The following SPEN variants were observed in gnomAD, a reference collection of about 807,000 sequenced individuals.
SPEN encodes spen family transcriptional repressor, also known as msx2-interacting protein.
In SPEN, 18 loss-of-function variants were observed where a neutral mutation model predicts 269.9. That is an observed-to-expected ratio of 0.07 (90% CI 0.05 to 0.10). The LOEUF is 0.10. Among genes scored for constraint, SPEN ranks in the 10% least tolerant of loss-of-function variants. The probability of loss-of-function intolerance (pLI) is 1.00; values close to 1 mark genes in which losing one functional copy is unlikely to be tolerated. For missense variants in SPEN, 3,822 were observed against 4,631.2 expected, an observed-to-expected ratio of 0.83 and a Z score of 5.07; for synonymous variants, 1,726 against 1,765.7, an observed-to-expected ratio of 0.98 and a Z score of 0.56.
intron 3 of SPEN, among the ~76,000 whole-genome samples, chr1:15,900,601 A>G (rs2070890652): frequency 6.6e-6 from 1 of 152,170 alleles, no homozygotes; most frequent in Non-Finnish European, 1.5e-5. Context: ...AGGAAGTTTG[A>G]TTTTCAGAAG....
chr1:15,889,164 C>CTTTTTTT (rs56721891), intron 3 of SPEN, among the ~76,000 whole-genome samples: 4 of 124,900 alleles, frequency 3.2e-5, no homozygotes, highest in African/African-American at 9.4e-5. Context: ...CTTTTCTTTT[C>CTTTTTTT]TTTTTTTTTT....
chr1:15,859,413 A>C (rs1053822761), intron 1 of SPEN, among the ~76,000 whole-genome samples: 6 of 138,136 alleles, frequency 4.3e-5, no homozygotes, highest in African/African-American at 1.7e-4. Flanking sequence ...GCTGGAGTGC[A>C]GTGGCGGGAT....
rs186187206 is a variant in SPEN at position 15,927,812 on chromosome 1, C to T, written c.1851-279C>T. ...GAAATTTTCTTTAATATATCTAAAA[C>T]GTTGTTTCAACATATAATCAGTCTA... On this transcript the variant is annotated intron_variant, in intron 10 of 14. Transcript: ENST00000375759. Among the ~76,000 whole-genome samples the T allele has an allele frequency of 7.2e-5, 11 of 152,284 alleles. No homozygotes were observed. In the East Asian group the frequency reaches 1.2e-3, roughly 16 times the overall value.
At position 15,940,327 on chromosome 1, in the gene SPEN, C is replaced by T. The variant is rs892628202; in HGVS notation, c.*900C>T. The T allele has an allele frequency of 2.6e-5, 6 of 233,198 alleles. No homozygotes were observed. Among genetic ancestry groups the T allele is most frequent in the African/African-American group, 8.8e-5 (4 of 45,308 alleles). 14.4% of individuals were successfully genotyped at this position (233,198 alleles called of 1,614,324 possible). On this transcript the variant is annotated 3_prime_UTR_variant, in exon 15 of 15. Coordinates refer to ENST00000375759, the MANE Select transcript of SPEN (RefSeq NM_015001.3). Reference sequence around the variant, plus strand: ...CCTGTACAAAAAGACTGGCTAACCCCTCTTCCTATTACCTTGATCTCTTCC... The same window carrying T: ...CCTGTACAAAAAGACTGGCTAACCCTTCTTCCTATTACCTTGATCTCTTCC...
intron 1 of SPEN, among the ~76,000 whole-genome samples, chr1:15,860,705 C>T (rs999466596): frequency 4.0e-5 from 6 of 150,328 alleles, no homozygotes; most frequent in African/African-American, 1.2e-4. Context: ...CGGATTCAAG[C>T]GATTCCCCTG....
At position 15,911,282 on chromosome 1, in the gene SPEN, A is replaced by G. The variant is rs575663074; in HGVS notation, c.1224A>G (p.Val408=). Residue 408 remains valine (V), a synonymous_variant, in exon 5 of 15, where the codon GTA becomes GTG. Transcript: ENST00000375759. Reference sequence around the variant, plus strand: ...TTTTCTTTGGCATGCAGATTGAAGTAACAGCATGGATAGGTCCAGGTAAGA... The same window carrying G: ...TTTTCTTTGGCATGCAGATTGAAGTGACAGCATGGATAGGTCCAGGTAAGA... ...GKLFFGMQIE[V]TAWIGPETES... 3.7e-6 allele frequency: 6 copies of G among 1,614,156 alleles called. No individual in the cohort carries two copies. The African/African-American group carries it at 8.0e-5, about 22-fold the overall frequency.
rs778032011 is a variant in SPEN, at chr1:15,940,009, T to G, written c.*582T>G. ...TTCTCCTGCTGCCACCGTCTTTGAT[T>G]CACCGGGATGTACAGTTTACAGTTG... On this transcript the variant is annotated 3_prime_UTR_variant, in exon 15 of 15. Coordinates refer to ENST00000375759, the MANE Select transcript of SPEN (RefSeq NM_015001.3). 4.3e-6 allele frequency: 1 copy of G among 230,818 alleles called. No individual in the cohort carries two copies. The allele number at this position is 230,818 out of a possible 1,614,324, so 14.3% of individuals were successfully genotyped here. A position where few individuals can be genotyped will look rare whatever the true frequency, so the allele number is the denominator to read the frequency against.
rs1019181044 is a variant in SPEN at position 15,930,060 on chromosome 1, G to T, written c.3820G>T (p.Asp1274Tyr). The change falls in exon 11 of 15, where the codon GAT becomes TAT. Residue 1274 changes from aspartate (D) to tyrosine (Y), a missense_variant. Physicochemically the swap from Asp to Tyr is radical, Grantham distance 160. Around this residue, in one of 16 missense-constraint regions of SPEN, gnomAD observed 267 missense variants for 315.5 expected, o/e 0.85. Transcript: ENST00000375759. This position sits in a 1 kb window ranked among gnomAD's most constrained non-coding sequence, Gnocchi z 5.3. ...ACATGGTTCCTTCCATGAAGATGAG[G>T]ATCCCATAGGCTCCCCTAGGCTACT... ...VRHGSFHEDE[D>Y]PIGSPRLLSV... 10 of 1,614,060 alleles carry T rather than the reference G, an allele frequency of 6.2e-6. No individual in the cohort carries two copies. The highest frequency in any genetic ancestry group is 3.3e-5 in the Admixed American group (2 of 60,010).
intron 5 of SPEN, among the ~76,000 whole-genome samples, chr1:15,915,263 C>T (rs2071047402): frequency 6.6e-6 from 1 of 152,124 alleles, no homozygotes; most frequent in African/African-American, 2.4e-5. Flanking sequence ...GTCATCCCAG[C>T]ACTTTGGGAG....
chr1:15,901,325 A>C (rs1284994569), intron 3 of SPEN, among the ~76,000 whole-genome samples: 1 of 151,430 alleles, frequency 6.6e-6, no homozygotes, highest in Non-Finnish European at 1.5e-5. Context: ...GGTAAAAAAA[A>C]ATAAAAAAAT....
intron 1 of SPEN, among the ~76,000 whole-genome samples, chr1:15,850,542 C>G (rs981051228): frequency 6.6e-5 from 10 of 152,134 alleles, no homozygotes; most frequent in Non-Finnish European, 1.3e-4. Flanking sequence ...ACTTCCTCCC[C>G]TCACCCCCCA....
In SPEN at chr1:15,934,720, C is replaced by T. The variant is rs1360342545; in HGVS notation, c.8480C>T (p.Pro2827Leu). 3 of 1,614,160 alleles carry T rather than the reference C, an allele frequency of 1.9e-6. No individual in the cohort carries two copies. Among genetic ancestry groups the T allele is most frequent in the Admixed American group, 3.3e-5 (2 of 60,024 alleles). The stretch of plus-strand genomic sequence containing the variant: ...TACTCAGGGCAGAAGACCGAAGGCC[C>T]ACAGCGGATCAGCGCCAAGATCAGC... Reference protein sequence around the residue: ...LSYSGQKTEGPQRISAKISQI... With the variant: ...LSYSGQKTEGLQRISAKISQI... Residue 2827 changes from proline (P) to leucine (L), a missense_variant, in exon 11 of 15, where the codon CCA becomes CTA. By Grantham distance (98) the Pro-to-Leu change is moderately conservative. Transcript: ENST00000375759. This position sits in a 1 kb window ranked among gnomAD's most constrained non-coding sequence, Gnocchi z 9.2.
At position 15,928,524 on chromosome 1, in the gene SPEN, C is replaced by G. The variant is rs1458025654; in HGVS notation, c.2284C>G (p.Arg762Gly). The change falls in exon 11 of 15, where the codon CGG (arginine) becomes GGG (glycine). Residue 762 changes from arginine to glycine, a missense_variant. This residue lies in a region of SPEN where 572 missense variants were observed against 582.6 expected (regional missense o/e 0.98). Transcript: ENST00000375759. This position sits in a 1 kb window ranked among gnomAD's most constrained non-coding sequence, Gnocchi z 5.7. ...GAGGCTTTACAGCCGATCCTCAGACCGGAGTGGAAGCTGTAGCTCACTCTC... is the reference window on the plus strand; with the variant it reads ...GAGGCTTTACAGCCGATCCTCAGACGGGAGTGGAAGCTGTAGCTCACTCTC... ...ERRLYSRSSD[R>G]SGSCSSLSPP... The G allele has an allele frequency of 1.2e-6, 2 of 1,614,000 alleles. No individual in the cohort carries two copies. Among genetic ancestry groups the G allele is most frequent in the Non-Finnish European group, 1.7e-6 (2 of 1,180,000 alleles).
chr1:15,919,070 A>T lies in SPEN; in HGVS notation c.1521+19A>T. Reference sequence around the variant, plus strand: ...CCTCAAGGTAAATGAATTTGCATAAATTATTGTGCTGTTATGATTTGCTTT... The same window carrying T: ...CCTCAAGGTAAATGAATTTGCATAATTTATTGTGCTGTTATGATTTGCTTT... On this transcript the variant is annotated intron_variant, in intron 7 of 14. Transcript: ENST00000375759. 1 of 1,602,290 alleles carries T rather than the reference A, an allele frequency of 6.2e-7. No individual in the cohort carries two copies.
At position 15,876,322 on chromosome 1, in the gene SPEN, G is replaced by A. The variant is rs776305764; in HGVS notation, c.525G>A (p.Glu175=). 47 of 1,613,938 alleles carry A rather than the reference G, an allele frequency of 2.9e-5. No individual in the cohort carries two copies. Among genetic ancestry groups the A allele is most frequent in the Non-Finnish European group, 3.7e-5 (44 of 1,180,030 alleles). Residue 175 remains glutamate (E), a synonymous_variant, in exon 3 of 15, where the codon GAG becomes GAA. Coordinates refer to ENST00000375759, the MANE Select transcript of SPEN (RefSeq NM_015001.3). The part of the protein sequence containing the change: ...YDQDYYRDPR[E]RTLQHGLYYA... ...AGGATTACTATAGAGATCCTCGAGA[G>A]CGGACTTTACAACATGGGCTCTATT...
chr1:15,937,575 C>G lies in SPEN; in HGVS notation c.10439C>G (p.Pro3480Arg). The G allele has an allele frequency of 6.2e-7, 1 of 1,614,190 alleles. No homozygotes were observed. The highest frequency in any genetic ancestry group is 8.5e-7 in the Non-Finnish European group (1 of 1,180,038). The change falls in exon 12 of 15, where the codon CCA (proline) becomes CGA (arginine). Residue 3480 changes from proline to arginine, a missense_variant. Around this residue, in one of 16 missense-constraint regions of SPEN, gnomAD observed 359 missense variants for 377.3 expected, o/e 0.95. Transcript: ENST00000375759. The surrounding 1 kb of genome is among the most constrained non-coding windows in gnomAD (Gnocchi z 5.7). The stretch of plus-strand genomic sequence containing the variant: ...GTTCTGCCACACACTGAATTCCAGC[C>G]AGCCCCCAAACAAGATTCCTCTCCA... ...GLVLPHTEFQ[P>R]APKQDSSPHL...
rs1557760737 is a variant in SPEN at position 15,932,661 on chromosome 1, C to G, written c.6421C>G (p.Pro2141Ala). 1 of 1,613,382 alleles carries G rather than the reference C, an allele frequency of 6.2e-7. No individual in the cohort carries two copies. Among genetic ancestry groups the G allele is most frequent in the Non-Finnish European group, 8.5e-7 (1 of 1,179,744 alleles). Residue 2141 changes from proline to alanine, a missense_variant, in exon 11 of 15, where the codon CCA becomes GCA. Physicochemically the swap from Pro to Ala is conservative, Grantham distance 27. Coordinates refer to ENST00000375759, the MANE Select transcript of SPEN (RefSeq NM_015001.3). This position sits in a 1 kb window ranked among gnomAD's most constrained non-coding sequence, Gnocchi z 4.2. ...TTTATCATCCCAGTTGAAAAGTGAT[C>G]CAGTTGATCCAGACAAGGAACCAGA... ...DGLSSQLKSD[P>A]VDPDKEPEKE...
intron 1 of SPEN, among the ~76,000 whole-genome samples, chr1:15,855,635 G>A (rs906548682): frequency 8.5e-5 from 13 of 152,086 alleles, no homozygotes; most frequent in Non-Finnish European, 1.8e-4. Context: ...TGAGGCGGGC[G>A]GGCGGATCAT....
At chr1:15,880,548 C>T (rs1413684396) in intron 3 of SPEN, among the ~76,000 whole-genome samples, 2 of 149,372 alleles carry the variant, frequency 1.3e-5, no homozygotes, top group African/African-American at 5.0e-5. Flanking sequence ...CTCTGCCTCT[C>T]GGGTTCAAGC....
Sources: allele counts gnomAD v4.1 joint callset (sites outside exome capture counted in the v4.1 genomes callset), GRCh38; gene constraint gnomAD v4.1.1; regional missense constraint gnomAD v4.1.1; non-coding constraint Gnocchi (gnomAD v3.1); transcripts MANE v1.5; gene names NCBI Gene and HGNC (gene_info 2026-07-23, HGNC 2026-07-21).